PHACTR1: variants seen among roughly 807,000 people sequenced by gnomAD.
PHACTR1 encodes phosphatase and actin regulator 1.
A neutral mutation model predicts 69.2 loss-of-function variants in PHACTR1; 16 were observed. The ratio of observed to expected loss-of-function variants is 0.23; its 90% CI spans 0.16 to 0.35. PHACTR1 has a LOEUF of 0.35. PHACTR1 is among the 10% of genes least tolerant of loss of function. PHACTR1 has a pLI of 1.00. For synonymous variants in PHACTR1, 312 were observed against 284.5 expected (o/e 1.10, Z -0.97); for missense variants, 510 against 734.7 (o/e 0.69, Z 3.54).
intron 4 of PHACTR1, among the ~76,000 whole-genome samples, chr6:12,971,836 C>T (rs1794250343): frequency 6.6e-6 from 1 of 152,066 alleles, no homozygotes; most frequent in South Asian, 2.1e-4. Context: ...TTTCACAAAC[C>T]CTGCTAAGGA....
At chr6:13,024,310 T>A (rs1801393008) in intron 4 of PHACTR1, among the ~76,000 whole-genome samples, 1 of 152,198 alleles carries the variant, frequency 6.6e-6, no homozygotes, top group South Asian at 2.1e-4. Flanking sequence ...CTTGGAAGAC[T>A]TGAAGTCTGT....
intron 10 of PHACTR1, chr6:13,267,816 C>T (rs1222427847): frequency 7.7e-6 from 1 of 130,624 alleles, no homozygotes; most frequent in Non-Finnish European, 1.5e-5. Context: ...CTCAGAGGCC[C>T]TCGGGGGTCC....
intron 4 of PHACTR1, among the ~76,000 whole-genome samples, chr6:13,033,912 A>G (rs1425358502): frequency 6.6e-6 from 1 of 152,338 alleles, no homozygotes; most frequent in East Asian, 1.9e-4. Flanking sequence ...AAACCTCCGT[A>G]TGAACTTATC....
intron 4 of PHACTR1, among the ~76,000 whole-genome samples, chr6:12,801,784 T>A (rs1299075804): frequency 6.6e-6 from 1 of 152,196 alleles, no homozygotes; most frequent in Non-Finnish European, 1.5e-5. Context: ...ATAGCTTTAT[T>A]GAGCAAAGAA....
In PHACTR1 at chr6:12,879,112, C is replaced by T. The variant is rs76113444; in HGVS notation, c.250+129322C>T. Among the ~76,000 whole-genome samples the T allele has an allele frequency of 1.1e-4, 16 of 152,256 alleles. No individual in the cohort carries two copies. In the East Asian group the frequency reaches 1.9e-3, roughly 18 times the overall value. ...TTCTCAAGCAGGCTGGTTTTGCTCC[C>T]GTGGAGTGTATTGCAGAGGCTATTG... On this transcript the variant is annotated intron_variant, in intron 4 of 14. Coordinates refer to ENST00000332995, the MANE Select transcript of PHACTR1 (RefSeq NM_030948.6).
chr6:12,952,187 G>A lies in PHACTR1; in HGVS notation c.251-101178G>A, dbSNP rs374035535. On this transcript the variant is annotated intron_variant, in intron 4 of 14. Coordinates refer to ENST00000332995, the MANE Select transcript of PHACTR1 (RefSeq NM_030948.6). ...CGAGTGCACAGCCTCCCTGTGGATA[G>A]CCCCCAGCAGAGTGATCCCTTGGTT... Among the ~76,000 whole-genome samples, 16 of 152,264 alleles carry A rather than the reference G, an allele frequency of 1.1e-4. No individual in the cohort carries two copies. The East Asian group carries it at 2.1e-3, about 20-fold the overall frequency.
intron 4 of PHACTR1, among the ~76,000 whole-genome samples, chr6:13,008,505 A>G (rs191558786): frequency 6.6e-6 from 1 of 152,194 alleles, no homozygotes; most frequent in East Asian, 1.9e-4. Flanking sequence ...ATATAAATGT[A>G]TTATATCAAA....
At chr6:13,034,164 C>T (rs1048798638) in intron 4 of PHACTR1, among the ~76,000 whole-genome samples, 1 of 152,000 alleles carries the variant, frequency 6.6e-6, no homozygotes, top group Non-Finnish European at 1.5e-5. Context: ...ACTACAGGCG[C>T]CCGCCACCAC....
At chr6:12,881,664 A>G (rs1483132640) in intron 4 of PHACTR1, among the ~76,000 whole-genome samples, 2 of 152,150 alleles carry the variant, frequency 1.3e-5, no homozygotes, top group Non-Finnish European at 2.9e-5. Flanking sequence ...AGCTGCAAGC[A>G]GACAGGAGCT....
intron 4 of PHACTR1, 35 bp from the exon 5 acceptor site, chr6:13,053,330 C>T (rs1276119400): frequency 1.9e-5 from 30 of 1,558,956 alleles, no homozygotes; most frequent in Admixed American, 1.8e-4. Context: ...CTTTTTTTCT[C>T]TCTTTGTTTT....
chr6:12,925,423 A>G (rs999740296), intron 4 of PHACTR1, among the ~76,000 whole-genome samples: 2 of 152,182 alleles, frequency 1.3e-5, no homozygotes, highest in African/African-American at 4.8e-5. Flanking sequence ...TACACACAAA[A>G]AGTTGGATAA....
chr6:13,073,098 G>A (rs1221061488), intron 5 of PHACTR1, among the ~76,000 whole-genome samples: 2 of 151,848 alleles, frequency 1.3e-5, no homozygotes, highest in South Asian at 2.1e-4. Flanking sequence ...TTCCCTATCA[G>A]AATAACTGAA....
At chr6:13,177,172 TAA>T (rs530741132) in intron 6 of PHACTR1, among the ~76,000 whole-genome samples, 66 of 63,362 alleles carry the variant, frequency 1.0e-3, no homozygotes, top group African/African-American at 6.1e-3. Flanking sequence ...ACCCCATCTC[TAA>T]AAAAAAAAAA....
rs553291196 is a variant in PHACTR1, at chr6:13,162,887, G to A, written c.496+2603G>A. On this transcript the variant is annotated intron_variant, in intron 6 of 14. Coordinates refer to ENST00000332995, the MANE Select transcript of PHACTR1 (RefSeq NM_030948.6). Reference sequence around the variant, plus strand: ...GGAGTTCCCTGAGAGCAGGCGCTGTGCCTCTGTCACACTTGCTTCTTTCTC... The same window carrying A: ...GGAGTTCCCTGAGAGCAGGCGCTGTACCTCTGTCACACTTGCTTCTTTCTC... Among the ~76,000 whole-genome samples, 11 of 152,236 alleles carry A rather than the reference G, an allele frequency of 7.2e-5. No individual in the cohort carries two copies. The South Asian group carries it at 2.3e-3, about 32-fold the overall frequency.
Position 12,798,039 on chromosome 6 carries a change from G to GACACACACACACACACACACACACAC in PHACTR1, c.250+48254_250+48279dup, listed in dbSNP as rs10529531. 9.0e-4 allele frequency among the ~76,000 whole-genome samples: 124 copies of GACACACACACACACACACACACACAC among 137,870 alleles called. 3 individuals are homozygous for GACACACACACACACACACACACACAC. Among genetic ancestry groups the GACACACACACACACACACACACACAC allele is most frequent in the African/African-American group, 2.9e-3 (105 of 35,810 alleles). 90.4% of individuals were successfully genotyped at this position (137,870 alleles called of 152,430 possible). A position where few individuals can be genotyped will look rare whatever the true frequency, so the allele number is the denominator to read the frequency against. Reference sequence around the variant, plus strand: ...ACTGTCAATGTCTCATCATTTCCTAGACACACACACACACACACACACACA... The same window carrying GACACACACACACACACACACACACAC: ...ACTGTCAATGTCTCATCATTTCCTAGACACACACACACACACACACACACACACACACACACACACACACACACACA... On this transcript the variant is annotated intron_variant, in intron 4 of 14. Transcript: ENST00000332995.
chr6:13,232,865 T>C (rs1375296265), intron 10 of PHACTR1, among the ~76,000 whole-genome samples: 1 of 152,216 alleles, frequency 6.6e-6, no homozygotes, highest in South Asian at 2.1e-4. Context: ...TCTTTTATTA[T>C]AGCTCCTTCC....
At chr6:13,213,088 T>TTGAGTGAGTGAGTGAG (rs547670652) in intron 8 of PHACTR1, among the ~76,000 whole-genome samples, 1,934 of 151,870 alleles carry the variant, frequency 0.013, 39 homozygotes, top group African/African-American at 0.044. Flanking sequence ...GCTTATAGGT[T>TTGAGTGAGTGAGTGAG]TGAGTGAGTG....
At chr6:12,992,331 C>T (rs1796912512) in intron 4 of PHACTR1, among the ~76,000 whole-genome samples, 1 of 152,192 alleles carries the variant, frequency 6.6e-6, no homozygotes, top group Admixed American at 6.5e-5. Context: ...CACGGCATAA[C>T]CAGGTAGCCA....
chr6:12,983,141 ATTAAT>A (rs1425124089), intron 4 of PHACTR1, among the ~76,000 whole-genome samples: 8 of 152,252 alleles, frequency 5.3e-5, no homozygotes. Flanking sequence ...GGAAATACAA[ATTAAT>A]TTAATGCTTG....
Sources: allele counts gnomAD v4.1 joint callset (sites outside exome capture counted in the v4.1 genomes callset), GRCh38; gene constraint gnomAD v4.1.1; transcripts MANE v1.5; gene names NCBI Gene and HGNC (gene_info 2026-07-23, HGNC 2026-07-21).